FRAS1: variants seen among roughly 807,000 people sequenced by gnomAD.
The protein encoded by FRAS1 is Fraser extracellular matrix complex subunit 1.
A neutral mutation model predicts 435.2 loss-of-function variants in FRAS1; 290 were observed. The observed-to-expected ratio is 0.67, with a 90% CI of 0.61 to 0.73. The LOEUF (loss-of-function observed/expected upper bound fraction) is 0.73. Among genes scored for constraint, FRAS1 ranks in the 30% least tolerant of loss-of-function variants. FRAS1 has a pLI of 0.00. For synonymous variants in FRAS1, 1,800 were observed against 1,851.0 expected (o/e 0.97, Z 0.71); for missense variants, 4,860 against 5,001.5 (o/e 0.97, Z 0.85).
At chr4:78,081,821 TTCC>T (rs1365964137) in intron 2 of FRAS1, among the ~76,000 whole-genome samples, 3 of 152,094 alleles carry the variant, frequency 2.0e-5, no homozygotes, top group Non-Finnish European at 4.4e-5. Context: ...GCTTCCTTCT[TTCC>T]TCCTCCCTCC....
At chr4:78,134,329 G>A (rs1560542636) in intron 2 of FRAS1, among the ~76,000 whole-genome samples, 1 of 152,112 alleles carries the variant, frequency 6.6e-6, no homozygotes. Context: ...TGGCCGTAGA[G>A]GTTTTTTTTC....
At position 78,520,571 on chromosome 4, in the gene FRAS1, C is replaced by T. The variant is rs7670389; in HGVS notation, c.10541-952C>T. 8.5e-3 allele frequency among the ~76,000 whole-genome samples: 1,291 copies of T among 152,194 alleles called. 16 individuals are homozygous for T. The highest frequency in any genetic ancestry group is 0.03 in the African/African-American group (1,229 of 41,512). On this transcript the variant is annotated intron_variant, in intron 67 of 73. Coordinates refer to ENST00000512123, the MANE Select transcript of FRAS1 (RefSeq NM_025074.7). ...AAAATGGTGTAGTATTTACATATAA[C>T]CTATACATATACTCCCTTATGCTTT...
chr4:78,427,195 G>A (rs1429662656), intron 35 of FRAS1, among the ~76,000 whole-genome samples: 1 of 152,126 alleles, frequency 6.6e-6, no homozygotes, highest in African/African-American at 2.4e-5. Flanking sequence ...AGGGGAGCTG[G>A]TGGCTTTCTA....
At chr4:78,282,742 TG>T in intron 11 of FRAS1, 77 bp from the exon 12 acceptor site, 1 of 1,546,070 alleles carries the variant, frequency 6.5e-7, no homozygotes, top group South Asian at 1.2e-5. Flanking sequence ...TTATGGAAAT[TG>T]TAAGTTCTTC....
At chr4:78,277,971 C>G (rs2110173856) in intron 9 of FRAS1, among the ~76,000 whole-genome samples, 1 of 152,132 alleles carries the variant, frequency 6.6e-6, no homozygotes, top group African/African-American at 2.4e-5. Flanking sequence ...TCCACTGCCC[C>G]CAGCAAATTT....
At chr4:78,175,284 C>T (rs914134096) in intron 2 of FRAS1, among the ~76,000 whole-genome samples, 2 of 152,208 alleles carry the variant, frequency 1.3e-5, no homozygotes, top group African/African-American at 4.8e-5. Flanking sequence ...CTGTTACTGT[C>T]TAATTGCTTT....
intron 28 of FRAS1, among the ~76,000 whole-genome samples, chr4:78,384,906 TCAAAA>T (rs1732161477): frequency 1.8e-5 from 1 of 55,716 alleles, no homozygotes. Flanking sequence ...AGACCCTGTC[TCAAAA>T]AAAAAAAAAA....
intron 56 of FRAS1, among the ~76,000 whole-genome samples, chr4:78,480,871 C>A (rs1719990939): frequency 6.6e-6 from 1 of 152,236 alleles, no homozygotes. Flanking sequence ...TATTTTTGAG[C>A]ACTTACCGAA....
intron 54 of FRAS1, among the ~76,000 whole-genome samples, chr4:78,476,857 T>C (rs1165924684): frequency 6.6e-6 from 1 of 152,228 alleles, no homozygotes. Flanking sequence ...CAGACATTTA[T>C]GTCTGTTTTT....
chr4:78,222,315 G>A (rs1724091232), intron 2 of FRAS1, among the ~76,000 whole-genome samples: 1 of 152,170 alleles, frequency 6.6e-6, no homozygotes, highest in Non-Finnish European at 1.5e-5. Flanking sequence ...GCTGTCCACT[G>A]TGTGGTCTCC....
intron 2 of FRAS1, among the ~76,000 whole-genome samples, chr4:78,077,609 C>T (rs564336603): frequency 4.0e-5 from 6 of 151,762 alleles, no homozygotes; most frequent in East Asian, 3.9e-4. Flanking sequence ...CACACCCTTC[C>T]GAGTCTCCAT....
chr4:78,305,914 G>T (rs971496515), intron 14 of FRAS1, among the ~76,000 whole-genome samples: 1 of 151,332 alleles, frequency 6.6e-6, no homozygotes, highest in Admixed American at 6.6e-5. Flanking sequence ...TATGATGTTA[G>T]CTGCTTATTT....
chr4:78,077,716 G>A (rs1160124515), intron 2 of FRAS1, among the ~76,000 whole-genome samples: 1 of 151,994 alleles, frequency 6.6e-6, no homozygotes, highest in East Asian at 1.9e-4. Flanking sequence ...TGTCTCAATT[G>A]TTTCACTTAT....
intron 72 of FRAS1, 65 bp from the exon 73 acceptor site, chr4:78,539,229 T>A: frequency 5.3e-6 from 8 of 1,519,746 alleles, no homozygotes; most frequent in Non-Finnish European, 7.2e-6. Context: ...TCCCAGTCAC[T>A]GCCACCTACC....
intron 2 of FRAS1, among the ~76,000 whole-genome samples, chr4:78,214,272 T>C (rs1723647396): frequency 6.6e-6 from 1 of 152,252 alleles, no homozygotes; most frequent in Non-Finnish European, 1.5e-5. Flanking sequence ...AACTTGATAG[T>C]ATGTGGTTGG....
At chr4:78,120,255 T>C (rs932515130) in intron 2 of FRAS1, among the ~76,000 whole-genome samples, 4 of 152,206 alleles carry the variant, frequency 2.6e-5, no homozygotes, top group Non-Finnish European at 5.9e-5. Flanking sequence ...CTTGTTTATG[T>C]GAGTTCAAAT....
At chr4:78,216,329 T>C (rs1426778080) in intron 2 of FRAS1, among the ~76,000 whole-genome samples, 2 of 152,236 alleles carry the variant, frequency 1.3e-5, no homozygotes, top group East Asian at 3.8e-4. Context: ...TTATTCTTTG[T>C]ATTTTTGGTC....
intron 2 of FRAS1, among the ~76,000 whole-genome samples, chr4:78,094,567 T>C (rs1432204712): frequency 6.6e-6 from 1 of 152,158 alleles, no homozygotes; most frequent in Non-Finnish European, 1.5e-5. Flanking sequence ...TGTTCTAATA[T>C]ATACTATGTT....
chr4:78,303,321 G>A (rs1484254187), intron 14 of FRAS1, among the ~76,000 whole-genome samples: 4 of 152,166 alleles, frequency 2.6e-5, no homozygotes, highest in Admixed American at 2.6e-4. Context: ...TTTTGGCTGA[G>A]GATTGACTTG....
Sources: allele counts gnomAD v4.1 joint callset (sites outside exome capture counted in the v4.1 genomes callset), GRCh38; gene constraint gnomAD v4.1.1; transcripts MANE v1.5; gene names NCBI Gene and HGNC (gene_info 2026-07-23, HGNC 2026-07-21).